Variants in EFCAB5 observed in about 807,000 individuals in gnomAD.
EFCAB5 encodes EF-hand calcium binding domain 5, also known as EF-hand calcium-binding domain-containing protein 5.
A neutral mutation model predicts 167.9 loss-of-function variants in EFCAB5; 131 were observed. That is an observed-to-expected ratio of 0.78 (90% CI 0.68 to 0.90). The LOEUF is 0.90. Among genes scored for constraint, EFCAB5 ranks in the 40% least tolerant of loss-of-function variants. The pLI is 0.00. For missense variants in EFCAB5, 1,663 were observed against 1,745.2 expected (o/e 0.95, Z 0.84); for synonymous variants, 574 against 602.8 (o/e 0.95, Z 0.70).
Position 29,988,028 on chromosome 17 carries a change from G to T in EFCAB5, c.768-5137G>T, listed in dbSNP as rs1268441636. On this transcript the variant is annotated intron_variant, in intron 4 of 22. Coordinates refer to ENST00000394835, the MANE Select transcript of EFCAB5 (RefSeq NM_198529.4). ...TGAAAGATGAGGAATGCACCATTTGGCAAGTTGGGCATCGCTGGATAATGG... is the reference window on the plus strand; with the variant it reads ...TGAAAGATGAGGAATGCACCATTTGTCAAGTTGGGCATCGCTGGATAATGG... Among the ~76,000 whole-genome samples, 9 of 152,300 alleles carry T rather than the reference G, an allele frequency of 5.9e-5. No homozygotes were observed. The South Asian group carries it at 1.5e-3, about 25-fold the overall frequency.
chr17:30,032,725 G>A (rs2069510530), intron 7 of EFCAB5, among the ~76,000 whole-genome samples: 1 of 151,908 alleles, frequency 6.6e-6, no homozygotes. Flanking sequence ...CATTTCTTTG[G>A]ATCTTCATTT....
In EFCAB5 at chr17:29,994,152, ATATATATATATATATATATATATATG is replaced by A; in HGVS notation, c.924+833_924+858del. Among the ~76,000 whole-genome samples, 2 of 128,708 alleles carry A rather than the reference ATATATATATATATATATATATATATG, an allele frequency of 1.6e-5. 1 individual carries two copies. Among genetic ancestry groups the A allele is most frequent in the Admixed American group, 1.5e-4 (2 of 13,132 alleles). The allele number at this position is 128,708 out of a possible 152,430, so 84.4% of individuals were successfully genotyped here. A position where few individuals can be genotyped will look rare whatever the true frequency, so the allele number is the denominator to read the frequency against. ...ACAACAAATATATATATATATATAT[ATATATATATATATATATATATATATG>A]TGATATATATATCACACGTGCACAC... On this transcript the variant is annotated intron_variant, in intron 5 of 22. Coordinates refer to ENST00000394835, the MANE Select transcript of EFCAB5 (RefSeq NM_198529.4).
chr17:29,946,492 A>T (rs1485437003), intron 3 of EFCAB5, among the ~76,000 whole-genome samples: 5 of 130,258 alleles, frequency 3.8e-5, no homozygotes, highest in African/African-American at 1.2e-4. Context: ...GCTGGAGTGC[A>T]GTGGCATGAT....
intron 3 of EFCAB5, 60 bp downstream of exon 3, chr17:29,943,709 C>A: frequency 6.9e-7 from 1 of 1,457,346 alleles, no homozygotes; most frequent in South Asian, 1.2e-5. Flanking sequence ...CGTGGTGGCT[C>A]ATGCCTGTAA....
At chr17:30,084,384 C>T (rs1482295803) in intron 18 of EFCAB5, among the ~76,000 whole-genome samples, 1 of 152,158 alleles carries the variant, frequency 6.6e-6, no homozygotes, top group African/African-American at 2.4e-5. Context: ...TTAAGAGAAA[C>T]AACACATAGG....
intron 7 of EFCAB5, among the ~76,000 whole-genome samples, chr17:30,020,250 T>C (rs1305182973): frequency 6.6e-6 from 1 of 152,180 alleles, no homozygotes; most frequent in African/African-American, 2.4e-5. Context: ...CAGATTTCTT[T>C]TTGGCATAGT....
intron 5 of EFCAB5, among the ~76,000 whole-genome samples, chr17:29,996,093 C>T (rs2068537397): frequency 6.6e-6 from 1 of 152,032 alleles, no homozygotes; most frequent in African/African-American, 2.4e-5. Flanking sequence ...AATTGAAATC[C>T]ATGCATTTTT....
intron 5 of EFCAB5, 23 bp downstream of exon 5, chr17:29,993,344 T>A: frequency 1.2e-6 from 2 of 1,602,012 alleles, no homozygotes; most frequent in Non-Finnish European, 1.7e-6. Context: ...GGGGTATATG[T>A]GAAAGGTAGG....
At chr17:29,962,575 A>G (rs950554676) in intron 3 of EFCAB5, among the ~76,000 whole-genome samples, 1 of 147,458 alleles carries the variant, frequency 6.8e-6, no homozygotes, top group Non-Finnish European at 1.5e-5. Flanking sequence ...GGCTCAAGCA[A>G]TTCTCCCACC....
intron 4 of EFCAB5, among the ~76,000 whole-genome samples, chr17:29,970,661 CACACACAT>C (rs1161343488): frequency 1.3e-3 from 184 of 143,416 alleles, no homozygotes; most frequent in African/African-American, 4.0e-3. Context: ...CACACACACA[CACACACAT>C]ACACACACAC....
intron 7 of EFCAB5, among the ~76,000 whole-genome samples, chr17:30,032,498 G>A (rs911331767): frequency 6.6e-6 from 1 of 152,136 alleles, no homozygotes; most frequent in African/African-American, 2.4e-5. Flanking sequence ...CTGGAGAATA[G>A]GAAGTTAAAA....
chr17:30,100,584 A>G (rs1476380475), intron 22 of EFCAB5, among the ~76,000 whole-genome samples: 1 of 152,108 alleles, frequency 6.6e-6, no homozygotes, highest in Non-Finnish European at 1.5e-5. Context: ...CCTGGCTAAC[A>G]TGTGAAACCC....
intron 4 of EFCAB5, among the ~76,000 whole-genome samples, chr17:29,972,251 G>A (rs2067970962): frequency 7.3e-6 from 1 of 136,568 alleles, no homozygotes; most frequent in Non-Finnish European, 1.6e-5. Flanking sequence ...GGGTTTCACC[G>A]CCTTAGCCAG....
At chr17:30,082,730 T>G (rs2071014164) in intron 17 of EFCAB5, among the ~76,000 whole-genome samples, 161 bp from the exon 18 acceptor site, 1 of 152,144 alleles carries the variant, frequency 6.6e-6, no homozygotes, top group Non-Finnish European at 1.5e-5. Context: ...TTTTTAATAG[T>G]AGAATCTGGA....
At chr17:30,092,317 T>C (rs1428331578) in intron 21 of EFCAB5, among the ~76,000 whole-genome samples, 160 bp downstream of exon 21, 2 of 152,172 alleles carry the variant, frequency 1.3e-5, no homozygotes, top group Non-Finnish European at 2.9e-5. Flanking sequence ...AAATAGAGCA[T>C]TTATGGAATC....
chr17:29,962,114 T>C (rs996860217), intron 3 of EFCAB5, among the ~76,000 whole-genome samples: 3 of 152,360 alleles, frequency 2.0e-5, no homozygotes, highest in Non-Finnish European at 4.4e-5. Flanking sequence ...AGTTGGGTAG[T>C]GTGAATCCTT....
intron 7 of EFCAB5, among the ~76,000 whole-genome samples, chr17:30,001,720 T>C (rs191072766): frequency 1.6e-4 from 24 of 152,304 alleles, no homozygotes; most frequent in Non-Finnish European, 2.9e-4. Context: ...AAGTAAACAA[T>C]TTTAAATCCA....
At chr17:30,021,134 T>A (rs2069168473) in intron 7 of EFCAB5, among the ~76,000 whole-genome samples, 1 of 146,090 alleles carries the variant, frequency 6.8e-6, no homozygotes, top group Admixed American at 6.7e-5. Context: ...TGATAGGAAA[T>A]AATTTTTTTT....
chr17:30,073,206 T>A, intron 14 of EFCAB5: 1 of 685,914 alleles, frequency 1.5e-6, no homozygotes. Context: ...CAGGTGTGCA[T>A]CATCAGGCCT....
Sources: gnomAD v4.1 joint callset for allele counts (sites outside exome capture counted in the v4.1 genomes callset) on GRCh38, gnomAD v4.1.1 for gene constraint, MANE v1.5 for transcripts, NCBI Gene and HGNC (gene_info 2026-07-23, HGNC 2026-07-21) for gene names.